PLB1: variants seen among roughly 807,000 people sequenced by gnomAD.
PLB1 encodes the protein phospholipase B1.
PLB1 carries 242 observed loss-of-function variants against 227.4 expected under a neutral mutation model. The ratio of observed to expected loss-of-function variants is 1.06; its 90% CI spans 0.96 to 1.18. PLB1 has a LOEUF of 1.18. Ranked by LOEUF, PLB1 falls within the 50% of genes most tolerant of loss-of-function variation. PLB1 has a pLI of 0.00. For synonymous variants in PLB1, 757 were observed against 682.2 expected (o/e 1.11, Z -1.71); for missense variants, 1,858 against 1,816.3 (o/e 1.02, Z -0.42).
chr2:28,589,238 A>G (rs1681453636), intron 26 of PLB1, among the ~76,000 whole-genome samples: 1 of 152,150 alleles, frequency 6.6e-6, no homozygotes, highest in African/African-American at 2.4e-5. Flanking sequence ...AATATATGCA[A>G]TCGCAGCAGA....
At chr2:28,630,951 T>C (rs1295498005) in intron 54 of PLB1, among the ~76,000 whole-genome samples, 1 of 151,940 alleles carries the variant, frequency 6.6e-6, no homozygotes, top group Non-Finnish European at 1.5e-5. Flanking sequence ...CCCAGAGCCA[T>C]GTGTAATAAT....
chr2:28,598,145 C>T, intron 34 of PLB1, 97 bp downstream of exon 34: 1 of 1,032,334 alleles, frequency 9.7e-7, no homozygotes, highest in Non-Finnish European at 1.4e-6. Flanking sequence ...CAAATGACAT[C>T]TGCCTTATGG....
intron 42 of PLB1, 72 bp downstream of exon 42, chr2:28,606,020 G>C: frequency 7.9e-7 from 1 of 1,262,680 alleles, no homozygotes; most frequent in Non-Finnish European, 1.1e-6. Flanking sequence ...CTATAGAATG[G>C]AGTCTTGCAA....
At chr2:28,517,147 G>C (rs890811484) in intron 2 of PLB1, among the ~76,000 whole-genome samples, 6 of 152,220 alleles carry the variant, frequency 3.9e-5, no homozygotes, top group African/African-American at 1.4e-4. Flanking sequence ...CATGAACCTT[G>C]AAGCAGATGT....
intron 17 of PLB1, 132 bp downstream of exon 17, chr2:28,553,123 T>C (rs539642824): frequency 1.4e-6 from 1 of 734,756 alleles, no homozygotes; most frequent in African/African-American, 1.7e-5. Context: ...TGTATGTATA[T>C]TTGTAAAGCC....
chr2:28,642,454 TCCTTCCATGCTGC>T (rs1270327833), intron 57 of PLB1, among the ~76,000 whole-genome samples: 6 of 152,094 alleles, frequency 3.9e-5, no homozygotes, highest in African/African-American at 1.4e-4. Context: ...AAACCAGCTG[TCCTTCCATGCTGC>T]CCTTCCCTGA....
rs1016971061 is a variant in PLB1, at chr2:28,632,953, A to G, written c.4012A>G (p.Thr1338Ala). The G allele has an allele frequency of 6.2e-7, 1 of 1,605,686 alleles. No homozygotes were observed. The highest frequency in any genetic ancestry group is 8.5e-7 in the Non-Finnish European group (1 of 1,179,760). The change falls in exon 56 of 58, where the codon ACT (threonine) becomes GCT (alanine). Residue 1338 changes from threonine to alanine, a missense_variant. Thr to Ala is a moderately conservative substitution (Grantham distance 58, BLOSUM62 0). Coordinates refer to ENST00000327757, the MANE Select transcript of PLB1 (RefSeq NM_153021.5). ...TTGCCGTTGGTTGCAGAGAGGGGAC[A>G]CTGACCTCACCTTCTTCTCCGAGGA... ...TLTPLNERGD[T>A]DLTFFSEDCF... is the part of the protein sequence containing the mutation.
chr2:28,633,425 A>C lies in PLB1; in HGVS notation c.4098+386A>C, dbSNP rs74908197. The stretch of plus-strand genomic sequence containing the variant: ...ACATCTATAAAACAGTGAAAACAAG[A>C]CAGGTCTCAGACAACGCATTGAGAT... On this transcript the variant is annotated intron_variant, in intron 56 of 57. Coordinates refer to ENST00000327757, the MANE Select transcript of PLB1 (RefSeq NM_153021.5). 3.0e-5 allele frequency: 6 copies of C among 201,356 alleles called. No homozygotes were observed. The East Asian group carries it at 8.0e-4, about 27-fold the overall frequency. 12.5% of individuals were successfully genotyped at this position (201,356 alleles called of 1,614,324 possible).
intron 6 of PLB1, among the ~76,000 whole-genome samples, chr2:28,529,055 C>T (rs1193786032): frequency 1.3e-5 from 2 of 151,528 alleles, no homozygotes; most frequent in South Asian, 2.1e-4. Flanking sequence ...TCAAGCCATC[C>T]TCCTGCCTCA....
At chr2:28,527,850 ATC>A (rs1254422938) in intron 6 of PLB1, among the ~76,000 whole-genome samples, 5 of 152,170 alleles carry the variant, frequency 3.3e-5, no homozygotes, top group African/African-American at 1.2e-4. Flanking sequence ...TCAGAAAGCA[ATC>A]TCTTTCAGAC....
intron 17 of PLB1, among the ~76,000 whole-genome samples, chr2:28,559,943 G>A (rs1044933371): frequency 1.3e-5 from 2 of 151,782 alleles, no homozygotes; most frequent in Non-Finnish European, 2.9e-5. Flanking sequence ...GTAGAGACGG[G>A]GTTTCATCAT....
chr2:28,598,833 G>C, intron 35 of PLB1, 73 bp downstream of exon 35: 1 of 1,333,244 alleles, frequency 7.5e-7, no homozygotes, highest in Non-Finnish European at 1.1e-6. Flanking sequence ...TAAGACCATG[G>C]GGCTGGCCTC....
chr2:28,509,539 T>C (rs776738958), intron 1 of PLB1, among the ~76,000 whole-genome samples: 27 of 152,248 alleles, frequency 1.8e-4, no homozygotes, highest in Admixed American at 2.0e-4. Context: ...CATGGTGCTT[T>C]GTTGGTTCCA....
rs368114367 is a variant in PLB1 at position 28,628,639 on chromosome 2, G to A, written c.3726+11G>A. On this transcript the variant is annotated intron_variant, in intron 52 of 57. Transcript: ENST00000327757. ...ATCCTCTCTGAGGAGGTAGGAGAGG[G>A]GTTACGTGTTCCTGGGTCCCGCCAG... The A allele has an allele frequency of 6.2e-7, 1 of 1,613,922 alleles. No homozygotes were observed. The highest frequency in any genetic ancestry group is 8.5e-7 in the Non-Finnish European group (1 of 1,179,824).
intron 1 of PLB1, among the ~76,000 whole-genome samples, chr2:28,511,981 A>T (rs1572670661): frequency 7.0e-6 from 1 of 143,678 alleles, no homozygotes; most frequent in African/African-American, 2.6e-5. Flanking sequence ...AGTAGAGATG[A>T]GGTTTCACCA....
intron 43 of PLB1, among the ~76,000 whole-genome samples, chr2:28,609,340 C>G (rs1285492460): frequency 6.6e-6 from 1 of 152,058 alleles, no homozygotes; most frequent in Non-Finnish European, 1.5e-5. Context: ...TTCATTTCTC[C>G]TTTCCCGAAC....
intron 1 of PLB1, among the ~76,000 whole-genome samples, chr2:28,508,232 T>C (rs4619559): frequency 0.43 from 65,655 of 152,012 alleles, 16,306 homozygotes; most frequent in Middle Eastern, 0.64. Flanking sequence ...CTTTGGCAGG[T>C]TTGCTAGCCT....
At chr2:28,627,780 C>T (rs897153382) in intron 51 of PLB1, among the ~76,000 whole-genome samples, 2 of 152,200 alleles carry the variant, frequency 1.3e-5, no homozygotes, top group African/African-American at 4.8e-5. Flanking sequence ...GCTCTCCCCT[C>T]CTGCCTGAGT....
intron 31 of PLB1, 110 bp from the exon 32 acceptor site, chr2:28,592,551 C>T (rs1311088473): frequency 7.5e-6 from 8 of 1,061,858 alleles, no homozygotes. Context: ...CCCTGCATGG[C>T]CCCAGTGCTC....
Sources: allele counts gnomAD v4.1 joint callset (sites outside exome capture counted in the v4.1 genomes callset), GRCh38; gene constraint gnomAD v4.1.1; transcripts MANE v1.5; gene names NCBI Gene and HGNC (gene_info 2026-07-23, HGNC 2026-07-21).